The following GLI2 variants were observed in gnomAD, a reference collection of about 807,000 sequenced individuals.
The protein encoded by GLI2 is GLI family zinc finger 2.
In GLI2, 22 loss-of-function variants were observed where a neutral mutation model predicts 78.9. The observed-to-expected ratio is 0.28, with a 90% CI of 0.20 to 0.40. The LOEUF (loss-of-function observed/expected upper bound fraction) is 0.40. GLI2 is among the 10% of genes least tolerant of loss of function. The probability of loss-of-function intolerance (pLI) is 1.00; values close to 1 mark genes in which losing one functional copy is unlikely to be tolerated. For missense variants in GLI2, 2,097 were observed against 2,213.2 expected (o/e 0.95, Z 1.05); for synonymous variants, 974 against 963.7 (o/e 1.01, Z -0.20).
intron 2 of GLI2, among the ~76,000 whole-genome samples, chr2:120,819,526 C>A (rs1685665160): frequency 6.6e-6 from 1 of 152,132 alleles, no homozygotes; most frequent in Non-Finnish European, 1.5e-5. Flanking sequence ...AGGCGTGAGT[C>A]ACTGCACCCC....
At chr2:120,786,506 CT>C (rs1162313397) in intron 1 of GLI2, among the ~76,000 whole-genome samples, 1 of 148,560 alleles carries the variant, frequency 6.7e-6, no homozygotes, top group African/African-American at 2.5e-5. Flanking sequence ...GAAAATAGCT[CT>C]TTTGAGTGTG....
intron 2 of GLI2, among the ~76,000 whole-genome samples, chr2:120,902,545 G>C (rs950336471): frequency 3.3e-5 from 5 of 152,180 alleles, no homozygotes; most frequent in African/African-American, 1.2e-4. Flanking sequence ...AAGGCTGGAG[G>C]TATGGTGTGC....
Position 120,948,882 on chromosome 2 carries a change from C to T in GLI2, c.255-2361C>T, listed in dbSNP as rs1237724863. Reference sequence around the variant, plus strand: ...CTGCAGGCTCTGGGAACCTGCCGTGCCTGGAGTGTCTGGGGAGGACCGAGA... The same window carrying T: ...CTGCAGGCTCTGGGAACCTGCCGTGTCTGGAGTGTCTGGGGAGGACCGAGA... On this transcript the variant is annotated intron_variant, in intron 3 of 13. Coordinates refer to ENST00000361492, the MANE Select transcript of GLI2 (RefSeq NM_001374353.1). 2.6e-5 allele frequency among the ~76,000 whole-genome samples: 4 copies of T among 152,262 alleles called. No individual in the cohort carries two copies. The East Asian group carries it at 7.7e-4, about 29-fold the overall frequency.
At chr2:120,794,714 C>A (rs566178600) in intron 1 of GLI2, among the ~76,000 whole-genome samples, 1 of 152,110 alleles carries the variant, frequency 6.6e-6, no homozygotes, top group South Asian at 2.1e-4. Flanking sequence ...AGGTAAGGGG[C>A]AGAGGAACAG....
At chr2:120,743,509 C>A (rs775924167) in intron 1 of GLI2, among the ~76,000 whole-genome samples, 9 of 152,254 alleles carry the variant, frequency 5.9e-5, no homozygotes, top group East Asian at 5.8e-4. Context: ...ATGAAGGTGA[C>A]CCTGGTGTAG....
Position 120,988,860 on chromosome 2 carries a change from G to C in GLI2, c.2895G>C (p.Pro965=), listed in dbSNP as rs1307945459. ...PVRRPDALSL[P]RVQRFHSTHN... The stretch of plus-strand genomic sequence containing the variant: ...GGCGGCCCGATGCCCTGTCCCTGCC[G>C]CGGGTGCAGCGCTTCCACAGCACCC... Residue 965 remains proline, a synonymous_variant, in exon 14 of 14, where the codon CCG becomes CCC. Coordinates refer to ENST00000361492, the MANE Select transcript of GLI2 (RefSeq NM_001374353.1). The C allele has an allele frequency of 8.0e-6, 12 of 1,493,234 alleles. No homozygotes were observed. Among genetic ancestry groups the C allele is most frequent in the Non-Finnish European group, 9.8e-6 (11 of 1,123,806 alleles). The allele number at this position is 1,493,234 out of a possible 1,614,324, so 92.5% of individuals were successfully genotyped here.
At chr2:120,919,932 T>C (rs1679287323) in intron 2 of GLI2, among the ~76,000 whole-genome samples, 2 of 152,236 alleles carry the variant, frequency 1.3e-5, no homozygotes, top group Non-Finnish European at 2.9e-5. Flanking sequence ...CTGAGATGTG[T>C]TTGCGCTGCC....
intron 2 of GLI2, among the ~76,000 whole-genome samples, chr2:120,888,246 T>A (rs13419379): frequency 0.023 from 3,576 of 152,298 alleles, 142 homozygotes; most frequent in African/African-American, 0.081. Context: ...TAAACACTCT[T>A]AGTTGCCAAA....
At chr2:120,984,134 G>A (rs1018492560) in intron 11 of GLI2, among the ~76,000 whole-genome samples, 2 of 152,124 alleles carry the variant, frequency 1.3e-5, no homozygotes, top group Admixed American at 6.5e-5. Context: ...CACTGAGCTC[G>A]TACACTTGCT....
At position 120,986,359 on chromosome 2, in the gene GLI2, G is replaced by A; in HGVS notation, c.1987G>A (p.Gly663Ser). The A allele has an allele frequency of 6.2e-7, 1 of 1,613,666 alleles. No individual in the cohort carries two copies. Among genetic ancestry groups the A allele is most frequent in the Non-Finnish European group, 8.5e-7 (1 of 1,179,998 alleles). ...GGGCAGTGCCCCCAACAATGACAGT[G>A]GCGTGGAGATGCCGGGGACGGGGCC... ...PLGSAPNNDS[G>S]VEMPGTGPGS... Residue 663 changes from glycine (G) to serine (S), a missense_variant, in exon 13 of 14, where the codon GGC becomes AGC. By Grantham distance (56) the Gly-to-Ser change is moderately conservative (BLOSUM62 0). Coordinates refer to ENST00000361492, the MANE Select transcript of GLI2 (RefSeq NM_001374353.1).
chr2:120,977,367 A>G (rs943759675), intron 9 of GLI2, among the ~76,000 whole-genome samples: 2 of 152,260 alleles, frequency 1.3e-5, no homozygotes, highest in Non-Finnish European at 2.9e-5. Flanking sequence ...CAGGTAGTCA[A>G]TAGAAAAGAA....
intron 2 of GLI2, among the ~76,000 whole-genome samples, chr2:120,900,794 C>G (rs573121449): frequency 6.6e-6 from 1 of 152,198 alleles, no homozygotes; most frequent in Non-Finnish European, 1.5e-5. Context: ...ATGGTAGAGG[C>G]GGCTCTGGAG....
rs1682085497 is a variant in GLI2 at position 120,970,412 on chromosome 2, C to T, written c.865C>T (p.His289Tyr). 3 of 1,612,704 alleles carry T rather than the reference C, an allele frequency of 1.9e-6. No homozygotes were observed. The highest frequency in any genetic ancestry group is 2.2e-5 in the East Asian group (1 of 44,856). ...GALSPAFTFP[H>Y]PINPVAYQQI... is the part of the protein sequence containing the mutation. ...TTGCAGCCCAGCCTTCACCTTCCCC[C>T]ACCCCATCAACCCCGTGGCCTACCA... The change falls in exon 7 of 14, where the codon CAC (histidine) becomes TAC (tyrosine). Residue 289 changes from histidine to tyrosine, a missense_variant. This residue lies in a region of GLI2 where 578 missense variants were observed against 612.0 expected (regional missense o/e 0.94). Coordinates refer to ENST00000361492, the MANE Select transcript of GLI2 (RefSeq NM_001374353.1).
chr2:120,838,852 A>G lies in GLI2; in HGVS notation c.148+41384A>G, dbSNP rs549913207. On this transcript the variant is annotated intron_variant, in intron 2 of 13. Transcript: ENST00000361492. ...CTGTAGGCCAGGGTCAATAGGTTCC[A>G]GGAAGAACCTATATCATATAGCCTG... Among the ~76,000 whole-genome samples, 19 of 152,324 alleles carry G rather than the reference A, an allele frequency of 1.2e-4. No individual in the cohort carries two copies. The South Asian group carries it at 3.9e-3, about 32-fold the overall frequency.
At chr2:120,932,804 G>C (rs1239704207) in intron 3 of GLI2, among the ~76,000 whole-genome samples, 4 of 152,184 alleles carry the variant, frequency 2.6e-5, no homozygotes, top group Non-Finnish European at 5.9e-5. Flanking sequence ...CGGCAGGCTG[G>C]GAGACTGGGT....
In GLI2 at chr2:120,835,659, T is replaced by G. The variant is rs150732484; in HGVS notation, c.148+38191T>G. Among the ~76,000 whole-genome samples the G allele has an allele frequency of 1.1e-3, 171 of 152,258 alleles. 8 individuals carry two copies. The East Asian group carries it at 0.021, about 19-fold the overall frequency. On this transcript the variant is annotated intron_variant, in intron 2 of 13. Transcript: ENST00000361492. ...CCTCAGCTTCCCAAAGTGCTGAGAT[T>G]ACAGGTGTGAGCCACCGCATCGGCC...
Position 120,988,306 on chromosome 2 carries a change from A to G in GLI2, c.2341A>G (p.Met781Val). Residue 781 changes from methionine (M) to valine (V), a missense_variant, in exon 14 of 14, where the codon ATG becomes GTG. Met to Val is a conservative substitution (Grantham distance 21, BLOSUM62 1). This residue lies in a region of GLI2 where 1,290 missense variants were observed against 1,261.7 expected (regional missense o/e 1.02). Coordinates refer to ENST00000361492, the MANE Select transcript of GLI2 (RefSeq NM_001374353.1). ...LSELSASEVT[M>V]LSQLQERRDS... ...GGAGCTGTCCGCGAGCGAGGTGACC[A>G]TGCTGAGCCAGCTGCAGGAGCGCCG... 1.6e-5 allele frequency: 25 copies of G among 1,563,882 alleles called. No individual in the cohort carries two copies. Among genetic ancestry groups the G allele is most frequent in the Non-Finnish European group, 2.1e-5 (24 of 1,160,390 alleles).
chr2:120,826,736 A>G (rs189314853), intron 2 of GLI2, among the ~76,000 whole-genome samples: 1 of 152,294 alleles, frequency 6.6e-6, no homozygotes, highest in East Asian at 1.9e-4. Context: ...TCCAATGCCT[A>G]TGGCCTCTTG....
chr2:120,922,178 A>G (rs1284284176), intron 2 of GLI2, among the ~76,000 whole-genome samples: 1 of 152,206 alleles, frequency 6.6e-6, no homozygotes, highest in Non-Finnish European at 1.5e-5. Flanking sequence ...TGCTTGATAC[A>G]AGGTAGATGC....
Sources: gnomAD v4.1 joint callset for allele counts (sites outside exome capture counted in the v4.1 genomes callset) on GRCh38, gnomAD v4.1.1 for gene constraint, gnomAD v4.1.1 regional missense constraint, MANE v1.5 for transcripts, NCBI Gene and HGNC (gene_info 2026-07-23, HGNC 2026-07-21) for gene names.